Variants in CDKAL1 observed in about 807,000 individuals in gnomAD.
CDKAL1 encodes threonylcarbamoyladenosine tRNA methylthiotransferase.
A neutral mutation model predicts 68.2 loss-of-function variants in CDKAL1; 32 were observed. The observed-to-expected ratio is 0.47, with a 90% CI of 0.35 to 0.63. The LOEUF (loss-of-function observed/expected upper bound fraction) is 0.63, where lower values mean the gene tolerates loss of function less well. Among genes scored for constraint, CDKAL1 ranks in the 30% least tolerant of loss-of-function variants. CDKAL1 has a pLI of 0.00. For synonymous variants in CDKAL1, 234 were observed against 244.3 expected, an observed-to-expected ratio of 0.96 and a Z score of 0.39; for missense variants, 606 against 696.7, an observed-to-expected ratio of 0.87 and a Z score of 1.47.
chr6:20,890,949 A>C (rs1336565790), intron 9 of CDKAL1, among the ~76,000 whole-genome samples: 1 of 152,124 alleles, frequency 6.6e-6, no homozygotes, highest in Non-Finnish European at 1.5e-5. Flanking sequence ...TTTTTCCATT[A>C]ACTTGTTTAA....
chr6:20,657,026 A>G lies in CDKAL1; in HGVS notation c.371+7649A>G, dbSNP rs1035658927. Among the ~76,000 whole-genome samples the G allele has an allele frequency of 2.0e-5, 3 of 152,314 alleles. No individual in the cohort carries two copies. In the South Asian group the frequency reaches 6.2e-4, roughly 32 times the overall value. On this transcript the variant is annotated intron_variant, in intron 5 of 15. Coordinates refer to ENST00000274695, the MANE Select transcript of CDKAL1 (RefSeq NM_017774.3). ...GTACAATAACAGTTAACATTGGGAA[A>G]ATATCAGATTGAGGTGACATTTATA...
chr6:20,900,356 A>G (rs1761902743), intron 9 of CDKAL1, among the ~76,000 whole-genome samples: 2 of 152,228 alleles, frequency 1.3e-5, no homozygotes, highest in South Asian at 4.1e-4. Flanking sequence ...TAGTCTTCCA[A>G]CTGCTGTAGT....
chr6:20,696,894 A>T (rs16884133), intron 5 of CDKAL1, among the ~76,000 whole-genome samples: 2,277 of 152,210 alleles, frequency 0.015, 46 homozygotes, highest in African/African-American at 0.052. Context: ...GTCATTTTTC[A>T]TCATGTTCAC....
intron 11 of CDKAL1, among the ~76,000 whole-genome samples, chr6:21,026,720 C>T (rs1372456315): frequency 6.6e-6 from 1 of 152,082 alleles, no homozygotes; most frequent in African/African-American, 2.4e-5. Context: ...ATGGAGACTG[C>T]TTGTGTATGA....
chr6:20,811,785 T>TAAAA (rs370931927), intron 8 of CDKAL1, among the ~76,000 whole-genome samples: 1 of 103,636 alleles, frequency 9.6e-6, no homozygotes, highest in Non-Finnish European at 2.0e-5. Context: ...TACCTAGTAG[T>TAAAA]AAAAAAAAAA....
At chr6:20,635,874 A>G (rs976432350) in intron 4 of CDKAL1, among the ~76,000 whole-genome samples, 1 of 152,272 alleles carries the variant, frequency 6.6e-6, no homozygotes, top group South Asian at 2.1e-4. Context: ...ACCCAAAGAA[A>G]CAGGTAAACT....
At chr6:20,949,848 G>A (rs1049878086) in intron 9 of CDKAL1, among the ~76,000 whole-genome samples, 14 of 151,936 alleles carry the variant, frequency 9.2e-5, no homozygotes, top group Admixed American at 3.9e-4. Context: ...GGAGTGGAGT[G>A]GTGCCATCTC....
intron 4 of CDKAL1, among the ~76,000 whole-genome samples, chr6:20,581,172 G>A (rs1765130494): frequency 6.6e-6 from 1 of 152,216 alleles, no homozygotes; most frequent in African/African-American, 2.4e-5. Context: ...TATCCCTGAT[G>A]TAGTAGATCA....
chr6:20,809,598 T>C (rs1776711834), intron 8 of CDKAL1, among the ~76,000 whole-genome samples: 1 of 152,196 alleles, frequency 6.6e-6, no homozygotes, highest in South Asian at 2.1e-4. Flanking sequence ...TTTTTTTCTG[T>C]TCTCATATGC....
In CDKAL1 at chr6:21,230,889, C is replaced by T. The variant is rs1752174726; in HGVS notation, c.1590C>T (p.Ser530=). The stretch of plus-strand genomic sequence containing the variant: ...TTGGGAACCAGCTGAGTTCAGGATC[C>T]CACACCTCTGCTGCATCTCAGTGTG... The part of the protein sequence containing the change: ...NGLGNQLSSG[S]HTSAASQCDS... Residue 530 remains serine, a synonymous_variant, in exon 16 of 16, where the codon TCC becomes TCT. Coordinates refer to ENST00000274695, the MANE Select transcript of CDKAL1 (RefSeq NM_017774.3). 6.2e-7 allele frequency: 1 copy of T among 1,613,222 alleles called. No homozygotes were observed. The highest frequency in any genetic ancestry group is 8.5e-7 in the Non-Finnish European group (1 of 1,179,366).
intron 13 of CDKAL1, among the ~76,000 whole-genome samples, chr6:21,149,398 G>C (rs151275050): frequency 6.6e-6 from 1 of 151,864 alleles, no homozygotes; most frequent in African/African-American, 2.4e-5. Flanking sequence ...TGCCCGCCTC[G>C]GCCTCCCAAA....
intron 9 of CDKAL1, among the ~76,000 whole-genome samples, chr6:20,867,249 T>G (rs1223940082): frequency 6.6e-6 from 1 of 152,200 alleles, no homozygotes; most frequent in Non-Finnish European, 1.5e-5. Context: ...CAGATCTTTG[T>G]TTCTGTATGG....
chr6:20,987,262 C>CTT lies in CDKAL1; in HGVS notation c.910-12948_910-12947dup, dbSNP rs1392710913. Among the ~76,000 whole-genome samples the CTT allele has an allele frequency of 2.0e-3, 269 of 135,882 alleles. 2 individuals are homozygous for CTT. Among genetic ancestry groups the CTT allele is most frequent in the African/African-American group, 6.6e-3 (242 of 36,812 alleles). The allele number at this position is 135,882 out of a possible 152,430, so 89.1% of individuals were successfully genotyped here. A position where few individuals can be genotyped will look rare whatever the true frequency, so the allele number is the denominator to read the frequency against. On this transcript the variant is annotated intron_variant, in intron 10 of 15. Transcript: ENST00000274695. ...GTTATCTTTGCAGTTTGTCTGGAAA[C>CTT]TTTTTTTTTTTTTTTTTTGAGACAG... is the stretch of plus-strand genomic sequence containing the variant.
rs190483806 is a variant in CDKAL1, at chr6:20,965,387, C to T, written c.909+9802C>T. Reference sequence around the variant, plus strand: ...AGTGAGCTATGATCATATAACTGCACTCTGGTCTGAGCATTGAGACACTGT... The same window carrying T: ...AGTGAGCTATGATCATATAACTGCATTCTGGTCTGAGCATTGAGACACTGT... On this transcript the variant is annotated intron_variant, in intron 10 of 15. Transcript: ENST00000274695. Among the ~76,000 whole-genome samples, 7 of 114,438 alleles carry T rather than the reference C, an allele frequency of 6.1e-5. No homozygotes were observed. The East Asian group carries it at 1.1e-3, about 18-fold the overall frequency. 75.1% of individuals were successfully genotyped at this position (114,438 alleles called of 152,430 possible).
At position 20,546,344 on chromosome 6, in the gene CDKAL1, A is replaced by G. The variant is rs1340403085; in HGVS notation, c.-5-2A>G. The G allele has an allele frequency of 6.3e-7, 1 of 1,593,624 alleles. No homozygotes were observed. On this transcript the variant is annotated splice_acceptor_variant, in intron 2 of 15. Transcript: ENST00000274695. LOFTEE classifies it low-confidence loss of function (5UTR_SPLICE). ...ATTTTATTTATAACTTTTATGTGGT[A>G]GAGAATATGCCTTCTGCATCCTGTG...
intron 5 of CDKAL1, among the ~76,000 whole-genome samples, chr6:20,668,187 A>G (rs1487411653): frequency 2.6e-5 from 4 of 151,856 alleles, no homozygotes; most frequent in East Asian, 3.8e-4. Flanking sequence ...TTCATAGAAT[A>G]TTTGTTTGTT....
chr6:20,712,758 C>G (rs148442182), intron 5 of CDKAL1, among the ~76,000 whole-genome samples: 47 of 152,120 alleles, frequency 3.1e-4, no homozygotes, highest in African/African-American at 1.0e-3. Context: ...CGTTCTCCTG[C>G]CTCAGCCTCT....
intron 15 of CDKAL1, among the ~76,000 whole-genome samples, chr6:21,229,369 A>G (rs192352930): frequency 6.6e-6 from 1 of 152,012 alleles, no homozygotes; most frequent in Non-Finnish European, 1.5e-5. Context: ...ATTATCTCCC[A>G]TTTCATCTGT....
At chr6:20,858,911 A>G (rs886349907) in intron 9 of CDKAL1, among the ~76,000 whole-genome samples, 3 of 152,192 alleles carry the variant, frequency 2.0e-5, no homozygotes, top group South Asian at 4.1e-4. Flanking sequence ...GACAAAGAGT[A>G]TATTAAACAT....
Sources: allele counts gnomAD v4.1 joint callset (sites outside exome capture counted in the v4.1 genomes callset), GRCh38; gene constraint gnomAD v4.1.1; transcripts MANE v1.5; gene names NCBI Gene and HGNC (gene_info 2026-07-23, HGNC 2026-07-21).